SUGCT: variants seen among roughly 807,000 people sequenced by gnomAD.
SUGCT encodes succinyl-CoA:glutarate-CoA transferase.
SUGCT carries 41 observed loss-of-function variants against 55.0 expected under a neutral mutation model. The ratio of observed to expected loss-of-function variants is 0.74; its 90% CI spans 0.58 to 0.97. The LOEUF (loss-of-function observed/expected upper bound fraction) is 0.97, where lower values mean the gene tolerates loss of function less well. Ranked by LOEUF, SUGCT falls within the 50% of genes least tolerant of loss-of-function variation. The pLI is 0.00. For synonymous variants in SUGCT, 187 were observed against 200.4 expected, an observed-to-expected ratio of 0.93 and a Z score of 0.56; for missense variants, 568 against 547.8, an observed-to-expected ratio of 1.04 and a Z score of -0.37.
At chr7:40,252,030 T>C (rs73687571) in intron 7 of SUGCT, among the ~76,000 whole-genome samples, 233 of 152,184 alleles carry the variant, frequency 1.5e-3, no homozygotes, top group African/African-American at 5.4e-3. Context: ...CACCAGAAAA[T>C]TGAAGAGATT....
At chr7:40,140,545 C>T (rs761726284) in intron 1 of SUGCT, among the ~76,000 whole-genome samples, 6 of 152,096 alleles carry the variant, frequency 3.9e-5, no homozygotes, top group Admixed American at 6.5e-5. Context: ...GGATTACAGG[C>T]GCACGCCACC....
At chr7:40,279,937 A>G (rs1430613060) in intron 8 of SUGCT, among the ~76,000 whole-genome samples, 1 of 152,174 alleles carries the variant, frequency 6.6e-6, no homozygotes, top group Non-Finnish European at 1.5e-5. Flanking sequence ...GTGAGAATGA[A>G]TACAATTTCA....
intron 8 of SUGCT, among the ~76,000 whole-genome samples, chr7:40,275,447 A>T (rs999681807): frequency 1.3e-5 from 2 of 152,202 alleles, no homozygotes; most frequent in Non-Finnish European, 2.9e-5. Flanking sequence ...AAAATATATA[A>T]TTTTTACTAA....
At chr7:40,995,028 A>G in the SUGCT span, among the ~76,000 whole-genome samples, 3 of 152,200 alleles carry the variant, frequency 2.0e-5, no homozygotes, top group Non-Finnish European at 4.4e-5. Context: ...AGTCTTAGGT[A>G]TTCCTTTATA....
intron 13 of SUGCT, among the ~76,000 whole-genome samples, chr7:40,800,143 C>T (rs1420139654): frequency 6.6e-6 from 1 of 152,114 alleles, no homozygotes; most frequent in Non-Finnish European, 1.5e-5. Flanking sequence ...TTACTCTTTT[C>T]CCTTTACATA....
the SUGCT span, among the ~76,000 whole-genome samples, chr7:40,981,644 A>G: frequency 3.3e-5 from 5 of 152,342 alleles, no homozygotes; most frequent in South Asian, 6.2e-4. Flanking sequence ...AGGAACCAAG[A>G]CACTCCTTCA....
intron 12 of SUGCT, among the ~76,000 whole-genome samples, chr7:40,690,577 T>A (rs1784650298): frequency 1.3e-5 from 2 of 152,164 alleles, no homozygotes; most frequent in South Asian, 4.1e-4. Flanking sequence ...CCTATAATTT[T>A]TTTTTTTTGA....
the SUGCT span, among the ~76,000 whole-genome samples, chr7:41,012,988 A>C: frequency 4.2e-4 from 63 of 150,682 alleles, no homozygotes; most frequent in African/African-American, 1.5e-3. Context: ...AGTCACCTTT[A>C]ATAATCCAAG....
chr7:40,636,799 G>A (rs1348409697), intron 12 of SUGCT, among the ~76,000 whole-genome samples: 2 of 150,102 alleles, frequency 1.3e-5, no homozygotes, highest in Middle Eastern at 3.2e-3. Context: ...AATTTAAAAA[G>A]CCATATTGTC....
At chr7:40,296,622 TG>T (rs1389023440) in intron 8 of SUGCT, among the ~76,000 whole-genome samples, 1 of 19,096 alleles carries the variant, frequency 5.2e-5, no homozygotes, top group African/African-American at 1.2e-4. Flanking sequence ...CGTGTGTGTG[TG>T]TGTGTGTGTG....
At chr7:40,944,985 A>T in the SUGCT span, among the ~76,000 whole-genome samples, 17 of 152,154 alleles carry the variant, frequency 1.1e-4, no homozygotes, top group African/African-American at 3.6e-4. Context: ...AGGTCTCTTG[A>T]GGCTTATGTC....
At chr7:40,370,644 CAG>C (rs796419781) in intron 9 of SUGCT, among the ~76,000 whole-genome samples, 98 of 136,940 alleles carry the variant, frequency 7.2e-4, no homozygotes, top group African/African-American at 2.6e-3. Context: ...GAGTGGGGGA[CAG>C]AGAGAGAGAT....
At chr7:40,703,520 T>C (rs1475826226) in intron 12 of SUGCT, among the ~76,000 whole-genome samples, 1 of 152,166 alleles carries the variant, frequency 6.6e-6, no homozygotes, top group Non-Finnish European at 1.5e-5. Context: ...TACTATCTTT[T>C]AGAGTAGTTT....
intron 6 of SUGCT, among the ~76,000 whole-genome samples, chr7:40,203,073 G>C (rs1265888700): frequency 1.3e-5 from 2 of 152,136 alleles, no homozygotes; most frequent in Non-Finnish European, 2.9e-5. Flanking sequence ...GGTCTCTGAC[G>C]CTTTTTTGGA....
At position 40,847,407 on chromosome 7, in the gene SUGCT, C is replaced by CTTTTTTTTTTTTTTTTTTT. The variant is rs1338885686; in HGVS notation, c.1154-12906_1154-12905insTTTTTTTTTTTTTTTTTTT. ...GATGACATATACATTTCTTTTCTTT[C>CTTTTTTTTTTTTTTTTTTT]TTTCTTTTTTTTTTTTTTTTTTTTT... On this transcript the variant is annotated intron_variant, in intron 13 of 13. Transcript: ENST00000335693. 1.0e-4 allele frequency among the ~76,000 whole-genome samples: 12 copies of CTTTTTTTTTTTTTTTTTTT among 117,878 alleles called. 1 individual carries two copies. The East Asian group carries it at 2.0e-3, about 19-fold the overall frequency. 77.3% of individuals were successfully genotyped at this position (117,878 alleles called of 152,430 possible). A position where few individuals can be genotyped will look rare whatever the true frequency, so the allele number is the denominator to read the frequency against.
the SUGCT span, among the ~76,000 whole-genome samples, chr7:40,873,755 C>T: frequency 2.0e-5 from 3 of 152,146 alleles, no homozygotes; most frequent in Non-Finnish European, 4.4e-5. Context: ...TTTGGATATA[C>T]AGAGAGGATT....
intron 12 of SUGCT, among the ~76,000 whole-genome samples, chr7:40,610,867 G>A (rs1195256709): frequency 2.0e-5 from 3 of 152,146 alleles, no homozygotes; most frequent in Non-Finnish European, 4.4e-5. Flanking sequence ...CTTTGGTCTT[G>A]CCTCCTGTCA....
chr7:40,814,184 G>A (rs1030980559), intron 13 of SUGCT, among the ~76,000 whole-genome samples: 2 of 152,056 alleles, frequency 1.3e-5, no homozygotes, highest in African/African-American at 4.8e-5. Context: ...CTTGATGACA[G>A]TCATTTTGTG....
At chr7:40,529,038 C>T (rs1280464790) in intron 12 of SUGCT, among the ~76,000 whole-genome samples, 1 of 152,146 alleles carries the variant, frequency 6.6e-6, no homozygotes, top group Non-Finnish European at 1.5e-5. Context: ...GAACAATGGA[C>T]AGAACACATG....
Sources: gnomAD v4.1 joint callset for allele counts (sites outside exome capture counted in the v4.1 genomes callset) on GRCh38, gnomAD v4.1.1 for gene constraint, MANE v1.5 for transcripts, NCBI Gene and HGNC (gene_info 2026-07-23, HGNC 2026-07-21) for gene names.